ARHGAP25: variants seen among roughly 807,000 people sequenced by gnomAD.
The protein encoded by ARHGAP25 is Rho GTPase activating protein 25, also known as rho GTPase-activating protein 25.
A neutral mutation model predicts 71.0 loss-of-function variants in ARHGAP25; 34 were observed. That is an observed-to-expected ratio of 0.48 (90% CI 0.36 to 0.64). The LOEUF is 0.64. ARHGAP25 is among the 30% of genes least tolerant of loss of function. The probability of loss-of-function intolerance (pLI) is 0.00; values close to 1 mark genes in which losing one functional copy is unlikely to be tolerated. For synonymous variants in ARHGAP25, 282 were observed against 296.5 expected, an observed-to-expected ratio of 0.95 and a Z score of 0.50; for missense variants, 706 against 805.1, an observed-to-expected ratio of 0.88 and a Z score of 1.49.
intron 1 of ARHGAP25, among the ~76,000 whole-genome samples, chr2:68,769,583 T>G (rs117342902): frequency 6.6e-6 from 1 of 152,088 alleles, no homozygotes; most frequent in South Asian, 2.1e-4. Context: ...CCCTGTCTTC[T>G]TAGAGTGCAA....
At chr2:68,736,101 A>G (rs999058500) in intron 1 of ARHGAP25, among the ~76,000 whole-genome samples, 6 of 152,206 alleles carry the variant, frequency 3.9e-5, no homozygotes, top group African/African-American at 1.4e-4. Context: ...AGATATAGAT[A>G]AGTATTAAGG....
intron 2 of ARHGAP25, among the ~76,000 whole-genome samples, chr2:68,719,696 G>A (rs1045517340): frequency 6.6e-6 from 1 of 152,046 alleles, no homozygotes; most frequent in African/African-American, 2.4e-5. Flanking sequence ...TGTTTAACAA[G>A]TGCCTGCTAT....
chr2:68,771,140 T>C (rs1677462945), intron 1 of ARHGAP25, among the ~76,000 whole-genome samples: 1 of 152,246 alleles, frequency 6.6e-6, no homozygotes, highest in Non-Finnish European at 1.5e-5. Flanking sequence ...GCTACTGTAC[T>C]AGACAATGCA....
intron 4 of ARHGAP25, among the ~76,000 whole-genome samples, chr2:68,792,888 A>C (rs1178312118): frequency 1.3e-5 from 2 of 152,162 alleles, no homozygotes; most frequent in Non-Finnish European, 2.9e-5. Flanking sequence ...TTGCATTCCC[A>C]CCAACAGTGT....
intron 4 of ARHGAP25, among the ~76,000 whole-genome samples, chr2:68,796,876 G>C (rs1558644218): frequency 6.6e-6 from 1 of 152,138 alleles, no homozygotes; most frequent in Non-Finnish European, 1.5e-5. Flanking sequence ...TGGGGGCAGT[G>C]GGTATAAAGG....
chr2:68,800,561 C>G (rs1186281625), intron 4 of ARHGAP25, among the ~76,000 whole-genome samples: 2 of 152,054 alleles, frequency 1.3e-5, no homozygotes, highest in East Asian at 3.9e-4. Context: ...CTGGCATGGG[C>G]TGGCATGGTC....
At chr2:68,769,185 A>G (rs1677321534) in intron 1 of ARHGAP25, among the ~76,000 whole-genome samples, 1 of 151,974 alleles carries the variant, frequency 6.6e-6, no homozygotes, top group Admixed American at 6.6e-5. Context: ...ATCTCCCTCT[A>G]TACCATCTCT....
intron 2 of ARHGAP25, among the ~76,000 whole-genome samples, chr2:68,713,526 A>C (rs1336280633): frequency 6.6e-6 from 1 of 152,190 alleles, no homozygotes; most frequent in African/African-American, 2.4e-5. Context: ...AGAACCTCCG[A>C]TACTATGTTG....
intron 1 of ARHGAP25, 42 bp from the exon 2 acceptor site, chr2:68,775,179 C>T (rs1208517773): frequency 6.2e-7 from 1 of 1,614,222 alleles, no homozygotes; most frequent in African/African-American, 1.3e-5. Flanking sequence ...GCTCACTGCC[C>T]CATGTCCCTC....
chr2:68,730,310 C>T (rs191460319), upstream of ARHGAP25, among the ~76,000 whole-genome samples: 393 of 152,254 alleles, frequency 2.6e-3, 2 homozygotes, highest in Non-Finnish European at 4.8e-3. Context: ...TGATTATGCA[C>T]GGACTTCTGT....
At chr2:68,737,518 C>A (rs1280488225) in intron 1 of ARHGAP25, among the ~76,000 whole-genome samples, 3 of 152,142 alleles carry the variant, frequency 2.0e-5, no homozygotes, top group East Asian at 1.9e-4. Flanking sequence ...CCTACCACTA[C>A]CAGTTGTGAC....
intron 5 of ARHGAP25, among the ~76,000 whole-genome samples, chr2:68,811,139 G>A (rs978662894): frequency 1.3e-5 from 2 of 152,220 alleles, no homozygotes; most frequent in African/African-American, 4.8e-5. Flanking sequence ...GTTGAGGACT[G>A]TGCCCTAGAG....
intron 1 of ARHGAP25, among the ~76,000 whole-genome samples, chr2:68,761,069 T>A (rs989370386): frequency 6.6e-6 from 1 of 152,046 alleles, no homozygotes; most frequent in Admixed American, 6.6e-5. Flanking sequence ...CACATACACA[T>A]ATATGACCTC....
intron 1 of ARHGAP25, among the ~76,000 whole-genome samples, chr2:68,774,413 C>G (rs1677687351): frequency 6.6e-6 from 1 of 152,172 alleles, no homozygotes; most frequent in Non-Finnish European, 1.5e-5. Flanking sequence ...AAAACAAAAG[C>G]CAAATATACC....
chr2:68,790,593 C>G (rs992702887), intron 4 of ARHGAP25, among the ~76,000 whole-genome samples: 31 of 152,296 alleles, frequency 2.0e-4, no homozygotes, highest in African/African-American at 7.0e-4. Flanking sequence ...TGGCTGCCAC[C>G]TCTTTCTAGC....
intron 5 of ARHGAP25, among the ~76,000 whole-genome samples, chr2:68,812,643 C>T (rs1680915372): frequency 6.6e-6 from 1 of 152,162 alleles, no homozygotes; most frequent in Non-Finnish European, 1.5e-5. Flanking sequence ...GCATTAGCCG[C>T]ACAGTATTGT....
At chr2:68,728,422 T>C (rs1366187857) in intron 2 of ARHGAP25, among the ~76,000 whole-genome samples, 1 of 152,216 alleles carries the variant, frequency 6.6e-6, no homozygotes, top group East Asian at 1.9e-4. Flanking sequence ...TAAAACATTT[T>C]GGTGGTTCCT....
At chr2:68,782,358 A>C (rs1263756095) in intron 3 of ARHGAP25, 38 bp downstream of exon 3, 19 of 1,585,544 alleles carry the variant, frequency 1.2e-5, no homozygotes, top group Non-Finnish European at 1.6e-5. Flanking sequence ...GCAGTGCAGA[A>C]GTAAAATTCC....
At chr2:68,761,537 A>G (rs1312217230) in intron 1 of ARHGAP25, among the ~76,000 whole-genome samples, 2 of 152,154 alleles carry the variant, frequency 1.3e-5, no homozygotes, top group African/African-American at 4.8e-5. Context: ...CTCTACAAAA[A>G]AAAACCCCAC....
Sources: allele counts gnomAD v4.1 joint callset (sites outside exome capture counted in the v4.1 genomes callset), GRCh38; gene constraint gnomAD v4.1.1; transcripts MANE v1.5; gene names NCBI Gene and HGNC (gene_info 2026-07-23, HGNC 2026-07-21).